The following MAGI2 variants were observed in gnomAD, a reference collection of about 807,000 sequenced individuals.
The protein encoded by MAGI2 is membrane associated guanylate kinase, WW and PDZ domain containing 2.
Under a neutral mutation model 133.3 loss-of-function variants are expected in MAGI2, and 35 were observed. The observed-to-expected ratio is 0.26, with a 90% CI of 0.20 to 0.35. The LOEUF (loss-of-function observed/expected upper bound fraction) is 0.35, where lower values mean the gene tolerates loss of function less well. Among genes scored for constraint, MAGI2 ranks in the 10% least tolerant of loss-of-function variants. MAGI2 has a pLI of 1.00. For synonymous variants in MAGI2, 729 were observed against 710.6 expected (o/e 1.03, Z -0.41); for missense variants, 1,636 against 1,863.4 (o/e 0.88, Z 2.25).
rs140634724 is a variant in MAGI2, at chr7:78,231,228, C to T, written c.2047+24715G>A. On this transcript the variant is annotated intron_variant, in intron 10 of 21. Transcript: ENST00000354212. ...GGTTAAGTGAGAAGGCTCAGCAAAG[C>T]TTGCGTGCAGCAGAAAGAAAAGATC... is the stretch of plus-strand genomic sequence containing the variant. 4.5e-3 allele frequency among the ~76,000 whole-genome samples: 683 copies of T among 152,296 alleles called. 4 individuals are homozygous for T. The highest frequency in any genetic ancestry group is 0.016 in the African/African-American group (656 of 41,558).
At chr7:78,401,492 A>T (rs1465270962) in intron 6 of MAGI2, among the ~76,000 whole-genome samples, 2 of 151,980 alleles carry the variant, frequency 1.3e-5, no homozygotes, top group African/African-American at 4.8e-5. Flanking sequence ...ATTTTGTTGA[A>T]CCAACTCTTG....
At chr7:78,315,195 G>A (rs1437201995) in intron 9 of MAGI2, among the ~76,000 whole-genome samples, 1 of 152,100 alleles carries the variant, frequency 6.6e-6, no homozygotes, top group African/African-American at 2.4e-5. Context: ...TAAGTGTTTT[G>A]CATTTTGATT....
chr7:78,307,061 C>T (rs973492789), intron 9 of MAGI2, among the ~76,000 whole-genome samples: 5 of 152,024 alleles, frequency 3.3e-5, no homozygotes, highest in Non-Finnish European at 5.9e-5. Flanking sequence ...CATTAGTCAA[C>T]GTAAGTTGAA....
chr7:79,150,524 A>G (rs1035465419), intron 1 of MAGI2, among the ~76,000 whole-genome samples: 4 of 152,202 alleles, frequency 2.6e-5, no homozygotes, highest in Non-Finnish European at 4.4e-5. Context: ...CAAATGACTC[A>G]TTTGTCTCTG....
intron 3 of MAGI2, among the ~76,000 whole-genome samples, chr7:78,604,787 C>T (rs564162804): frequency 6.6e-6 from 1 of 152,290 alleles, no homozygotes; most frequent in Non-Finnish European, 1.5e-5. Flanking sequence ...TACATGAAAA[C>T]ATTTAAATTC....
intron 10 of MAGI2, among the ~76,000 whole-genome samples, chr7:78,225,244 C>G (rs1192669178): frequency 6.6e-6 from 1 of 152,202 alleles, no homozygotes; most frequent in Admixed American, 6.5e-5. Context: ...GAGCAGGTTG[C>G]CTCTCAGACC....
chr7:78,483,912 G>A (rs1316636924), intron 6 of MAGI2, among the ~76,000 whole-genome samples: 1 of 151,894 alleles, frequency 6.6e-6, no homozygotes, highest in Non-Finnish European at 1.5e-5. Flanking sequence ...CTTTTTATGA[G>A]TTCTTCCTTG....
At chr7:78,297,224 A>G (rs1797346341) in intron 9 of MAGI2, among the ~76,000 whole-genome samples, 1 of 152,200 alleles carries the variant, frequency 6.6e-6, no homozygotes, top group African/African-American at 2.4e-5. Context: ...GACAAACACT[A>G]CACTAGCTCA....
chr7:78,549,276 A>C (rs1799134481), intron 3 of MAGI2, among the ~76,000 whole-genome samples: 1 of 152,140 alleles, frequency 6.6e-6, no homozygotes, highest in African/African-American at 2.4e-5. Flanking sequence ...GAACATCAAT[A>C]GTTTCACAGA....
intron 3 of MAGI2, among the ~76,000 whole-genome samples, chr7:78,582,710 T>C (rs1312907356): frequency 6.6e-6 from 1 of 152,230 alleles, no homozygotes; most frequent in Non-Finnish European, 1.5e-5. Context: ...CTTAACACTA[T>C]GATTTCAGGA....
At chr7:78,263,933 C>T (rs1793756299) in intron 9 of MAGI2, among the ~76,000 whole-genome samples, 1 of 152,130 alleles carries the variant, frequency 6.6e-6, no homozygotes, top group Non-Finnish European at 1.5e-5. Context: ...AGTCTCTGTG[C>T]TCTTGTTTCT....
chr7:78,602,349 G>A (rs1390317835), intron 3 of MAGI2, among the ~76,000 whole-genome samples: 1 of 151,368 alleles, frequency 6.6e-6, no homozygotes, highest in Non-Finnish European at 1.5e-5. Context: ...TAGTAGAAAC[G>A]GGGTTTCACC....
intron 21 of MAGI2, chr7:78,072,829 G>A: frequency 2.5e-6 from 1 of 397,812 alleles, no homozygotes; most frequent in Non-Finnish European, 4.4e-6. Context: ...CACCACGCTT[G>A]GCTAATTTTT....
intron 1 of MAGI2, chr7:79,009,016 TCTC>T (rs1247072336): frequency 1.3e-5 from 2 of 151,910 alleles, no homozygotes; most frequent in Non-Finnish European, 2.9e-5. Flanking sequence ...CCCTCTTCCT[TCTC>T]CTTTTTTTTC....
intron 20 of MAGI2, among the ~76,000 whole-genome samples, chr7:78,117,637 C>A (rs1196969599): frequency 6.6e-6 from 1 of 151,912 alleles, no homozygotes; most frequent in African/African-American, 2.4e-5. Flanking sequence ...GCTTTGACCA[C>A]TTCTATTCAG....
chr7:78,585,918 C>T (rs1185796437), intron 3 of MAGI2, among the ~76,000 whole-genome samples: 1 of 152,158 alleles, frequency 6.6e-6, no homozygotes, highest in Admixed American at 6.5e-5. Flanking sequence ...AATGGCAAGT[C>T]TGGGAAATCT....
chr7:78,892,795 T>A (rs924370156), intron 2 of MAGI2, among the ~76,000 whole-genome samples: 1 of 151,914 alleles, frequency 6.6e-6, no homozygotes, highest in African/African-American at 2.4e-5. Context: ...AACCTAGGCA[T>A]TACCATTCAG....
chr7:79,105,966 GAAAAC>G (rs1175391856), intron 1 of MAGI2, among the ~76,000 whole-genome samples: 2 of 151,796 alleles, frequency 1.3e-5, no homozygotes, highest in Admixed American at 6.6e-5. Context: ...TTACAAGAAG[GAAAAC>G]AAAACAAAAC....
intron 1 of MAGI2, among the ~76,000 whole-genome samples, chr7:79,333,788 A>T (rs978952417): frequency 6.6e-6 from 1 of 152,194 alleles, no homozygotes; most frequent in African/African-American, 2.4e-5. Flanking sequence ...GTTAAAATAC[A>T]TAAATATAAA....
Sources: allele counts gnomAD v4.1 joint callset (sites outside exome capture counted in the v4.1 genomes callset), GRCh38; gene constraint gnomAD v4.1.1; transcripts MANE v1.5; gene names NCBI Gene and HGNC (gene_info 2026-07-23, HGNC 2026-07-21).